NBEAL1: variants seen among roughly 807,000 people sequenced by gnomAD.
NBEAL1 encodes neurobeachin-like protein 1.
Under a neutral mutation model 351.3 loss-of-function variants are expected in NBEAL1, and 273 were observed. That is an observed-to-expected ratio of 0.78 (90% CI 0.70 to 0.86). NBEAL1 has a LOEUF of 0.86. NBEAL1 is among the 40% of genes least tolerant of loss of function. The pLI is 0.00. For missense variants in NBEAL1, 2,961 were observed against 3,201.3 expected, an observed-to-expected ratio of 0.92 and a Z score of 1.81; for synonymous variants, 1,050 against 1,086.4, an observed-to-expected ratio of 0.97 and a Z score of 0.66.
chr2:203,135,743 G>A lies in NBEAL1; in HGVS notation c.3880G>A (p.Asp1294Asn). The change falls in exon 28 of 56, where the codon GAC becomes AAC. Residue 1294 changes from aspartate to asparagine, a missense_variant. Asp to Asn is a conservative substitution (Grantham distance 23). Transcript: ENST00000683969. ...HQISQQVGWQ[D>N]TLVRLFLKAK... is the part of the protein sequence containing the mutation. ...AATATCACAGCAAGTGGGTTGGCAA[G>A]ACACCTTAGTTAGGCTTTTTTTAAA... 1.3e-6 allele frequency: 2 copies of A among 1,580,600 alleles called. No individual in the cohort carries two copies. The highest frequency in any genetic ancestry group is 2.3e-5 in the South Asian group (2 of 86,810).
intron 2 of NBEAL1, among the ~76,000 whole-genome samples, chr2:203,039,067 A>AT (rs1251355583): frequency 2.0e-5 from 3 of 147,716 alleles, no homozygotes; most frequent in East Asian, 1.9e-4. Context: ...TCAGTTTATG[A>AT]TTTTTTTGTC....
At chr2:203,121,452 A>G (rs974952817) in intron 18 of NBEAL1, among the ~76,000 whole-genome samples, 4 of 150,724 alleles carry the variant, frequency 2.7e-5, no homozygotes, top group African/African-American at 9.7e-5. Context: ...CAGGAGTTCG[A>G]GACCAGCCTG....
chr2:203,107,964 T>C lies in NBEAL1; in HGVS notation c.1725T>C (p.Tyr575=), dbSNP rs2062473143. 7 of 1,554,410 alleles carry C rather than the reference T, an allele frequency of 4.5e-6. No homozygotes were observed. The highest frequency in any genetic ancestry group is 6.1e-6 in the Non-Finnish European group (7 of 1,147,836). ...RVDESESVHP[Y]VTPVTRAILT... is the part of the protein sequence containing the mutation. ...ATGAATCTGAGTCTGTTCACCCTTA[T>C]GTCACTCCCGTGACTCGAGCAATCC... Residue 575 remains tyrosine (Y), a synonymous_variant, in exon 14 of 56, where the codon TAT becomes TAC. Transcript: ENST00000683969.
chr2:203,123,136 G>A (rs1480347801), intron 19 of NBEAL1, among the ~76,000 whole-genome samples: 18 of 145,188 alleles, frequency 1.2e-4, no homozygotes, highest in South Asian at 2.2e-4. Context: ...GGTAAATCAG[G>A]AAAAAAAAAA....
Position 203,028,752 on chromosome 2 carries a change from G to A in NBEAL1, c.51+12317G>A, listed in dbSNP as rs149163383. The stretch of plus-strand genomic sequence containing the variant: ...TTTGACTCATTTTTATTGGGTGCCT[G>A]CTGTATGCACATGTCCCTTGAATTT... On this transcript the variant is annotated intron_variant, in intron 2 of 55. Coordinates refer to ENST00000683969, the MANE Select transcript of NBEAL1 (RefSeq NM_001378026.1). Among the ~76,000 whole-genome samples, 383 of 152,000 alleles carry A rather than the reference G, an allele frequency of 2.5e-3. 2 individuals are homozygous for A. Among genetic ancestry groups the A allele is most frequent in the African/African-American group, 7.9e-3 (328 of 41,496 alleles).
chr2:203,144,063 T>G (rs1260841064), intron 31 of NBEAL1, among the ~76,000 whole-genome samples: 1 of 151,652 alleles, frequency 6.6e-6, no homozygotes, highest in Non-Finnish European at 1.5e-5. Context: ...TACAAAAAAT[T>G]AGCCGGACAT....
intron 6 of NBEAL1, among the ~76,000 whole-genome samples, chr2:203,065,446 G>A (rs1253888248): frequency 2.6e-5 from 4 of 152,120 alleles, no homozygotes; most frequent in Non-Finnish European, 5.9e-5. Context: ...TAGGTATGAT[G>A]TGAGTACAAA....
At chr2:203,096,972 G>A (rs1264257775) in intron 10 of NBEAL1, among the ~76,000 whole-genome samples, 9 of 152,038 alleles carry the variant, frequency 5.9e-5, no homozygotes, top group Admixed American at 6.6e-5. Context: ...AAGACATACC[G>A]GAGACTGGAC....
At chr2:203,030,496 A>C (rs907382099) in intron 2 of NBEAL1, among the ~76,000 whole-genome samples, 1 of 152,178 alleles carries the variant, frequency 6.6e-6, no homozygotes, top group Non-Finnish European at 1.5e-5. Flanking sequence ...AATAATAACA[A>C]ATATCAAATG....
intron 2 of NBEAL1, among the ~76,000 whole-genome samples, chr2:203,018,255 C>T (rs920565982): frequency 3.0e-5 from 4 of 133,594 alleles, no homozygotes; most frequent in African/African-American, 1.1e-4. Flanking sequence ...TTTTTCCCAG[C>T]TGACAAACTT....
intron 35 of NBEAL1, among the ~76,000 whole-genome samples, chr2:203,155,247 C>CA (rs71226711): frequency 0.63 from 87,447 of 138,084 alleles, 27,917 homozygotes; most frequent in Middle Eastern, 0.79. Flanking sequence ...AACCCTCTCT[C>CA]AAAAAAAAAA....
chr2:203,016,970 A>G (rs1206810891), intron 2 of NBEAL1, among the ~76,000 whole-genome samples: 4 of 152,170 alleles, frequency 2.6e-5, no homozygotes, highest in Admixed American at 2.6e-4. Context: ...TACTGATGGG[A>G]AAACTGATGC....
At chr2:203,128,666 C>T (rs997856675) in intron 24 of NBEAL1, among the ~76,000 whole-genome samples, 3 of 148,562 alleles carry the variant, frequency 2.0e-5, no homozygotes, top group African/African-American at 5.0e-5. Context: ...GGCACAATCT[C>T]GGCTCACTGC....
chr2:203,148,655 GA>G (rs1255379048), intron 33 of NBEAL1, among the ~76,000 whole-genome samples: 4 of 151,956 alleles, frequency 2.6e-5, no homozygotes, highest in Non-Finnish European at 5.9e-5. Flanking sequence ...GATCCCAGAG[GA>G]AAATTATTTT....
At chr2:203,106,147 G>A (rs1441156190) in intron 12 of NBEAL1, among the ~76,000 whole-genome samples, 1 of 152,130 alleles carries the variant, frequency 6.6e-6, no homozygotes, top group Non-Finnish European at 1.5e-5. Context: ...GATAAGATTA[G>A]TGAGGTCATC....
chr2:203,150,196 A>G (rs1295647250), intron 34 of NBEAL1, among the ~76,000 whole-genome samples: 1 of 152,084 alleles, frequency 6.6e-6, no homozygotes, highest in African/African-American at 2.4e-5. Flanking sequence ...GAGAGTTCCA[A>G]TTTCTCCGCA....
Position 203,077,838 on chromosome 2 carries a change from G to A in NBEAL1, c.684+1G>A, listed in dbSNP as rs2061804034. 2 of 1,417,782 alleles carry A rather than the reference G, an allele frequency of 1.4e-6. No homozygotes were observed. Among genetic ancestry groups the A allele is most frequent in the Middle Eastern group, 2.2e-4 (1 of 4,454 alleles). The allele number at this position is 1,417,782 out of a possible 1,614,324, so 87.8% of individuals were successfully genotyped here. A position where few individuals can be genotyped will look rare whatever the true frequency, so the allele number is the denominator to read the frequency against. The stretch of plus-strand genomic sequence containing the variant: ...TGGAGCCATTGTAGCCGGTGGGCAG[G>A]TAAGGAAAGTGTTGAAATTTAATAA... On this transcript the variant is annotated splice_donor_variant, in intron 8 of 55. Transcript: ENST00000683969. LOFTEE classifies it high-confidence loss of function.
intron 55 of NBEAL1, among the ~76,000 whole-genome samples, 172 bp from the exon 56 acceptor site, chr2:203,217,081 G>A (rs1329942663): frequency 6.6e-6 from 1 of 152,182 alleles, no homozygotes; most frequent in Non-Finnish European, 1.5e-5. Context: ...TGGGATTACA[G>A]GCATGAGTCA....
intron 36 of NBEAL1, among the ~76,000 whole-genome samples, chr2:203,161,404 G>A (rs761366169): frequency 4.0e-5 from 6 of 151,706 alleles, no homozygotes; most frequent in Middle Eastern, 3.4e-3. Flanking sequence ...GCCCAGGCAG[G>A]TGGATCACAA....
Sources: allele counts gnomAD v4.1 joint callset (sites outside exome capture counted in the v4.1 genomes callset), GRCh38; gene constraint gnomAD v4.1.1; transcripts MANE v1.5; gene names NCBI Gene and HGNC (gene_info 2026-07-23, HGNC 2026-07-21).